Variants in CDHR1 observed in about 807,000 individuals in gnomAD.
CDHR1 encodes the protein cadherin related family member 1, also known as cadherin-related family member 1.
In CDHR1, 61 loss-of-function variants were observed where a neutral mutation model predicts 72.1. The observed-to-expected ratio is 0.85, with a 90% CI of 0.69 to 1.05. The LOEUF is 1.05. CDHR1 is among the 50% of genes least tolerant of loss of function. The pLI, the probability that CDHR1 is intolerant of heterozygous loss-of-function variation, is 0.00. For missense variants in CDHR1, 1,186 were observed against 1,115.7 expected, an observed-to-expected ratio of 1.06 and a Z score of -0.90; for synonymous variants, 470 against 448.1, an observed-to-expected ratio of 1.05 and a Z score of -0.62.
rs116120485 is a variant in CDHR1 at position 84,209,946 on chromosome 10, G to A, written c.1321-1055G>A. Among the ~76,000 whole-genome samples the A allele has an allele frequency of 3.3e-3, 505 of 152,340 alleles. 2 individuals carry two copies. Among genetic ancestry groups the A allele is most frequent in the African/African-American group, 0.011 (474 of 41,584 alleles). On this transcript the variant is annotated intron_variant, in intron 12 of 16. Transcript: ENST00000623527. Reference sequence around the variant, plus strand: ...AAGTTAATAAAGAATTTGGTTGGGCGTGGTGGCTCACACCTGTAATTCCAG... The same window carrying A: ...AAGTTAATAAAGAATTTGGTTGGGCATGGTGGCTCACACCTGTAATTCCAG...
At position 84,205,940 on chromosome 10, in the gene CDHR1, T is replaced by C; in HGVS notation, c.963+13T>C. On this transcript the variant is annotated intron_variant, in intron 10 of 16. Transcript: ENST00000623527. ...GCTGCATGTACAGGTACCCTCCCTC[T>C]AGCTTTGTCTTCCCTGCCCACCTTT... is the stretch of plus-strand genomic sequence containing the variant. The C allele has an allele frequency of 1.9e-6, 3 of 1,600,914 alleles. No homozygotes were observed. The highest frequency in any genetic ancestry group is 2.6e-6 in the Non-Finnish European group (3 of 1,168,184).
At chr10:84,202,518 A>G (rs1842146085) in intron 7 of CDHR1, among the ~76,000 whole-genome samples, 1 of 152,176 alleles carries the variant, frequency 6.6e-6, no homozygotes, top group Non-Finnish European at 1.5e-5. Context: ...TGCAGCCTGT[A>G]CCAGGAGGCC....
chr10:84,212,477 A>T (rs1160915021), intron 15 of CDHR1, 70 bp downstream of exon 15: 2 of 1,339,626 alleles, frequency 1.5e-6, no homozygotes, highest in Non-Finnish European at 2.1e-6. Flanking sequence ...ACTGAGGCAT[A>T]AGAATTTCAT....
chr10:84,217,551 TG>T lies in CDHR1; in HGVS notation c.*2932del. The T allele has an allele frequency of 1.0e-6, 1 of 981,510 alleles. No individual in the cohort carries two copies. The highest frequency in any genetic ancestry group is 4.7e-5 in the South Asian group (1 of 21,218). 60.8% of individuals were successfully genotyped at this position (981,510 alleles called of 1,614,324 possible). A position where few individuals can be genotyped will look rare whatever the true frequency, so the allele number is the denominator to read the frequency against. On this transcript the variant is annotated 3_prime_UTR_variant, in exon 17 of 17. Coordinates refer to ENST00000623527, the MANE Select transcript of CDHR1 (RefSeq NM_033100.4). Reference sequence around the variant, plus strand: ...CCTCATTAACACAGGGTGCAAAGTATGGTTGCAGAGAGGATGAAAAGATCTA... The same window carrying T: ...CCTCATTAACACAGGGTGCAAAGTATGTTGCAGAGAGGATGAAAAGATCTA...
intron 7 of CDHR1, among the ~76,000 whole-genome samples, chr10:84,202,410 C>A (rs900424554): frequency 2.0e-5 from 3 of 152,214 alleles, no homozygotes; most frequent in Admixed American, 6.5e-5. Flanking sequence ...CTTCTTCCCC[C>A]ACAAAGAGCG....
In CDHR1 at chr10:84,212,356, A is replaced by G. The variant is rs1842350743; in HGVS notation, c.1731A>G (p.Gly577=). Residue 577 remains glycine (G), a synonymous_variant, in exon 15 of 17, where the codon GGA becomes GGG. Coordinates refer to ENST00000623527, the MANE Select transcript of CDHR1 (RefSeq NM_033100.4). ...LDVNDHPPQF[G]KSVQKKTMVL... ...TCAATGACCACCCCCCTCAGTTTGG[A>G]AAGAGCGTTCAGAAGAAGACGATGG... is the stretch of plus-strand genomic sequence containing the variant. 1 of 1,614,076 alleles carries G rather than the reference A, an allele frequency of 6.2e-7. No individual in the cohort carries two copies. The highest frequency in any genetic ancestry group is 8.5e-7 in the Non-Finnish European group (1 of 1,180,040).
At chr10:84,219,247 G>T, downstream of CDHR1, 1 of 1,550,706 alleles carries the variant, frequency 6.4e-7, no homozygotes, top group South Asian at 1.2e-5. Context: ...GTACTCTAGA[G>T]TTTTTCAAGG....
rs1296651442 is a variant in CDHR1 at position 84,195,410 on chromosome 10, C to T, written c.56-84C>T. 6 of 1,286,862 alleles carry T rather than the reference C, an allele frequency of 4.7e-6. No individual in the cohort carries two copies. In the South Asian group the frequency reaches 7.5e-5, roughly 16 times the overall value. 79.7% of individuals were successfully genotyped at this position (1,286,862 alleles called of 1,614,324 possible). ...TCCTGCCCAGTAGCTGGGCCTGACG[C>T]GGGACCGCGCTGGTGCGAAGCTCCC... On this transcript the variant is annotated intron_variant, in intron 1 of 16. Coordinates refer to ENST00000623527, the MANE Select transcript of CDHR1 (RefSeq NM_033100.4).
intron 10 of CDHR1, among the ~76,000 whole-genome samples, chr10:84,206,414 T>C (rs1312956714): frequency 6.6e-6 from 1 of 152,200 alleles, no homozygotes; most frequent in African/African-American, 2.4e-5. Context: ...ATGTGACCTG[T>C]GAAGTCACAC....
chr10:84,214,405 C>T lies in CDHR1; in HGVS notation c.2364C>T (p.Leu788=). 6.2e-7 allele frequency: 1 copy of T among 1,613,790 alleles called. No homozygotes were observed. The highest frequency in any genetic ancestry group is 8.5e-7 in the Non-Finnish European group (1 of 1,179,992). The change falls in exon 17 of 17, where the codon CTC becomes CTT. Residue 788 remains leucine (L), a synonymous_variant. Transcript: ENST00000623527. Reference sequence around the variant, plus strand: ...ACAACAGCCCAGAAAGCTCTCTGCTCCCGAGAGCTCCGGCTCTCCCTCCAC... The same window carrying T: ...ACAACAGCCCAGAAAGCTCTCTGCTTCCGAGAGCTCCGGCTCTCCCTCCAC... The part of the protein sequence containing the change: ...CNNNSPESSL[L]PRAPALPPPP...
intron 3 of CDHR1, among the ~76,000 whole-genome samples, chr10:84,197,300 C>T (rs149731544): frequency 9.9e-5 from 15 of 152,204 alleles, no homozygotes; most frequent in East Asian, 3.9e-4. Flanking sequence ...CCCTGGCACC[C>T]GCGGGATCTG....
intron 16 of CDHR1, among the ~76,000 whole-genome samples, 161 bp downstream of exon 16, chr10:84,213,509 G>A (rs4244946): frequency 0.42 from 63,280 of 152,102 alleles, 15,297 homozygotes; most frequent in African/African-American, 0.68. Flanking sequence ...CTTTGGAAGC[G>A]GGTTGAGTTT....
Position 84,214,635 on chromosome 10 carries a change from AC to A in CDHR1, c.*20del, listed in dbSNP as rs767957187. Reference sequence around the variant, plus strand: ...GCTTACTTCTAGTGTATGCCCTATGACCCCCCATCTTTCCTCCGCCCCTGAC... The same window carrying A: ...GCTTACTTCTAGTGTATGCCCTATGACCCCCATCTTTCCTCCGCCCCTGAC... On this transcript the variant is annotated 3_prime_UTR_variant, in exon 17 of 17. Transcript: ENST00000623527. The A allele has an allele frequency of 6.3e-7, 1 of 1,598,460 alleles. No homozygotes were observed. The highest frequency in any genetic ancestry group is 1.7e-5 in the Admixed American group (1 of 59,928).
chr10:84,200,170 C>CA (rs10583938), intron 5 of CDHR1, among the ~76,000 whole-genome samples: 2,184 of 134,354 alleles, frequency 0.016, 20 homozygotes, highest in Non-Finnish European at 0.026. Context: ...AGCTCCATCT[C>CA]AAAAAAAAAA....
chr10:84,205,791 C>T (rs576681531), intron 9 of CDHR1, 36 bp from the exon 10 acceptor site: 2 of 1,473,616 alleles, frequency 1.4e-6, no homozygotes, highest in African/African-American at 2.8e-5. Context: ...TCCCTGTGGT[C>T]CTGTGCAGAA....
chr10:84,195,697 G>C (rs1259750949), intron 2 of CDHR1, 108 bp downstream of exon 2: 2 of 906,860 alleles, frequency 2.2e-6, no homozygotes, highest in African/African-American at 3.3e-5. Context: ...GCGCCCGGGG[G>C]CTCCTTGTTT....
rs1842453539 is a variant in CDHR1 at position 84,218,010 on chromosome 10, T to C, written c.*3389T>C. 3 of 985,374 alleles carry C rather than the reference T, an allele frequency of 3.0e-6. No individual in the cohort carries two copies. The highest frequency in any genetic ancestry group is 3.6e-6 in the Non-Finnish European group (3 of 829,966). 61.0% of individuals were successfully genotyped at this position (985,374 alleles called of 1,614,324 possible). A position where few individuals can be genotyped will look rare whatever the true frequency, so the allele number is the denominator to read the frequency against. ...GCTTCTCTAAGGATTTCGGTGATTC[T>C]ATTTTTAGGGACTGAAGGCGTTGAG... On this transcript the variant is annotated 3_prime_UTR_variant, in exon 17 of 17. Coordinates refer to ENST00000623527, the MANE Select transcript of CDHR1 (RefSeq NM_033100.4).
chr10:84,200,520 T>A (rs2132798893), intron 5 of CDHR1, 81 bp from the exon 6 acceptor site: 1 of 915,672 alleles, frequency 1.1e-6, no homozygotes, highest in Non-Finnish European at 1.8e-6. Flanking sequence ...CCGACCCCAC[T>A]GCTGCATGCC....
chr10:84,197,831 A>T lies in CDHR1; in HGVS notation c.343A>T (p.Asn115Tyr), dbSNP rs1202469161. Reference protein sequence around the residue: ...EAIISISDGLNLVAEKVVILV... With the variant: ...EAIISISDGLYLVAEKVVILV... ...CATCATCAGCATTTCTGATGGCCTG[A>T]ATCTGGTGAGTGCACGTCCAAGGCA... The change falls in exon 4 of 17, where the codon AAT becomes TAT. Residue 115 changes from asparagine to tyrosine, a missense_variant. Physicochemically the swap from Asn to Tyr is moderately radical, Grantham distance 143. Transcript: ENST00000623527. 2 of 1,613,894 alleles carry T rather than the reference A, an allele frequency of 1.2e-6. No individual in the cohort carries two copies. Among genetic ancestry groups the T allele is most frequent in the East Asian group, 4.5e-5 (2 of 44,878 alleles).
Sources: gnomAD v4.1 joint callset for allele counts (sites outside exome capture counted in the v4.1 genomes callset) on GRCh38, gnomAD v4.1.1 for gene constraint, MANE v1.5 for transcripts, NCBI Gene and HGNC (gene_info 2026-07-23, HGNC 2026-07-21) for gene names.